The following NEK1 variants were observed in gnomAD, a reference collection of about 807,000 sequenced individuals.
NEK1 encodes the protein NIMA related kinase 1.
In NEK1, 137 loss-of-function variants were observed where a neutral mutation model predicts 182.1. The ratio of observed to expected loss-of-function variants is 0.75; its 90% CI spans 0.65 to 0.87. NEK1 has a LOEUF of 0.87. Among genes scored for constraint, NEK1 ranks in the 40% least tolerant of loss-of-function variants. The pLI is 0.00. For synonymous variants in NEK1, 513 were observed against 492.2 expected, an observed-to-expected ratio of 1.04 and a Z score of -0.56; for missense variants, 1,391 against 1,494.4, an observed-to-expected ratio of 0.93 and a Z score of 1.14.
At position 169,473,996 on chromosome 4, in the gene NEK1, T is replaced by G. The variant is rs559895949; in HGVS notation, c.2434+3128A>C. 5.3e-5 allele frequency among the ~76,000 whole-genome samples: 8 copies of G among 152,174 alleles called. No individual in the cohort carries two copies. In the South Asian group the frequency reaches 6.2e-4, roughly 12 times the overall value. ...GGAGAATAAAGGAGAGGAACTAGAA[T>G]TGTAAACAGAGAACACTTTTGAAGA... On this transcript the variant is annotated intron_variant, in intron 26 of 35. Transcript: ENST00000507142.
chr4:169,583,263 T>A (rs1195824623), intron 10 of NEK1, among the ~76,000 whole-genome samples: 30 of 83,120 alleles, frequency 3.6e-4, no homozygotes, highest in African/African-American at 9.6e-4. Flanking sequence ...TGAGACTCCA[T>A]CTCAAAAAAA....
intron 23 of NEK1, among the ~76,000 whole-genome samples, chr4:169,498,551 C>T (rs1003240767): frequency 4.6e-5 from 7 of 152,056 alleles, no homozygotes; most frequent in African/African-American, 9.7e-5. Context: ...ACTGGTTGTT[C>T]CTTTCCATGT....
rs180958391 is a variant in NEK1, at chr4:169,494,302, T to C, written c.2007+12735A>G. Among the ~76,000 whole-genome samples, 15 of 152,200 alleles carry C rather than the reference T, an allele frequency of 9.9e-5. No homozygotes were observed. The East Asian group carries it at 2.7e-3, about 27-fold the overall frequency. Reference sequence around the variant, plus strand: ...TGTGATGTTCCCCTTCCTGTGTCCATGTGTTCTCATTGTTCAATTCCCACC... The same window carrying C: ...TGTGATGTTCCCCTTCCTGTGTCCACGTGTTCTCATTGTTCAATTCCCACC... On this transcript the variant is annotated intron_variant, in intron 23 of 35. Transcript: ENST00000507142.
chr4:169,512,199 T>C (rs1316538143), intron 19 of NEK1, among the ~76,000 whole-genome samples: 2 of 152,054 alleles, frequency 1.3e-5, no homozygotes, highest in African/African-American at 4.8e-5. Flanking sequence ...TGTGAAACTA[T>C]TTTGCACAAT....
chr4:169,494,529 G>C (rs941926068), intron 23 of NEK1, among the ~76,000 whole-genome samples: 1 of 152,122 alleles, frequency 6.6e-6, no homozygotes, highest in African/African-American at 2.4e-5. Context: ...CCAAGTCTTT[G>C]CTATTGTGAA....
At position 169,508,664 on chromosome 4, in the gene NEK1, C is replaced by T. The variant is rs1045088242; in HGVS notation, c.1749+105G>A. 5 of 907,180 alleles carry T rather than the reference C, an allele frequency of 5.5e-6. No individual in the cohort carries two copies. The African/African-American group carries it at 6.8e-5, about 12-fold the overall frequency. The allele number at this position is 907,180 out of a possible 1,614,324, so 56.2% of individuals were successfully genotyped here. Reference sequence around the variant, plus strand: ...ATATTAACAGGTCCCTACAGACCTACAAAATCTTCAAATAATTGTTAAGAA... The same window carrying T: ...ATATTAACAGGTCCCTACAGACCTATAAAATCTTCAAATAATTGTTAAGAA... On this transcript the variant is annotated intron_variant, in intron 20 of 35. Transcript: ENST00000507142.
chr4:169,422,050 A>G (rs976842774), intron 31 of NEK1, among the ~76,000 whole-genome samples: 5 of 152,218 alleles, frequency 3.3e-5, no homozygotes, highest in African/African-American at 1.2e-4. Context: ...AAGGGAGCCA[A>G]CAGATAAAGT....
intron 12 of NEK1, among the ~76,000 whole-genome samples, chr4:169,564,434 A>G (rs1362388894): frequency 1.3e-5 from 2 of 152,156 alleles, no homozygotes; most frequent in African/African-American, 2.4e-5. Flanking sequence ...AGTCATTGAT[A>G]TAAAATTAGT....
intron 19 of NEK1, among the ~76,000 whole-genome samples, chr4:169,536,747 A>G (rs1378783575): frequency 1.3e-5 from 2 of 152,230 alleles, no homozygotes; most frequent in African/African-American, 2.4e-5. Context: ...AAGCCTACCA[A>G]TTCTTTTAAA....
Position 169,507,082 on chromosome 4 carries a change from C to A in NEK1, c.1962G>T (p.Lys654Asn). The change falls in exon 23 of 36, where the codon AAG becomes AAT. Residue 654 changes from lysine (K) to asparagine (N), a missense_variant. This residue lies in a region of NEK1 where 1,216 missense variants were observed against 1,277.6 expected (regional missense o/e 0.95). Coordinates refer to ENST00000507142, the MANE Select transcript of NEK1 (RefSeq NM_001199397.3). Reference protein sequence around the residue: ...AAVLKEQLERKRKEAYEREKK... With the variant: ...AAVLKEQLERNRKEAYEREKK... ...TTTCTCTCTCATAAGCCTCCTTTCT[C>A]TTTCGTTCTAGTTGTTCTTTTAGTA... The A allele has an allele frequency of 6.2e-7, 1 of 1,608,406 alleles. No individual in the cohort carries two copies. The highest frequency in any genetic ancestry group is 8.5e-7 in the Non-Finnish European group (1 of 1,177,510).
At chr4:169,510,810 C>T (rs1303581454) in intron 19 of NEK1, among the ~76,000 whole-genome samples, 1 of 152,050 alleles carries the variant, frequency 6.6e-6, no homozygotes, top group Non-Finnish European at 1.5e-5. Context: ...GTAAACTGTA[C>T]CATGATCTCA....
intron 27 of NEK1, among the ~76,000 whole-genome samples, chr4:169,460,386 A>G (rs890520578): frequency 6.6e-6 from 1 of 151,940 alleles, no homozygotes; most frequent in Admixed American, 6.6e-5. Flanking sequence ...TTTAAAAACC[A>G]TCAGATCTCG....
intron 18 of NEK1, among the ~76,000 whole-genome samples, chr4:169,547,667 C>T (rs894808648): frequency 7.9e-5 from 12 of 152,036 alleles, no homozygotes; most frequent in African/African-American, 1.9e-4. Flanking sequence ...AGGCTTTGTT[C>T]GTTTCTTTTC....
At chr4:169,458,816 A>G (rs1007405844) in intron 27 of NEK1, among the ~76,000 whole-genome samples, 3 of 142,228 alleles carry the variant, frequency 2.1e-5, no homozygotes, top group Non-Finnish European at 3.0e-5. Context: ...CAACACAGTG[A>G]GACCCCATCT....
At chr4:169,457,606 G>GGGAGAAAA (rs1203198395) in intron 27 of NEK1, among the ~76,000 whole-genome samples, 1 of 149,462 alleles carries the variant, frequency 6.7e-6, no homozygotes, top group Non-Finnish European at 1.5e-5. Context: ...AAGAAAGAAA[G>GGGAGAAAA]GGAGAAAAGG....
chr4:169,469,361 T>G (rs1745509235), intron 26 of NEK1, among the ~76,000 whole-genome samples: 1 of 152,218 alleles, frequency 6.6e-6, no homozygotes. Flanking sequence ...TATTTCTGCC[T>G]TAATTTCATT....
intron 10 of NEK1, among the ~76,000 whole-genome samples, chr4:169,581,126 C>A (rs575661250): frequency 1.3e-5 from 2 of 149,976 alleles, no homozygotes; most frequent in Admixed American, 1.3e-4. Context: ...AGGGGAAGAT[C>A]GCTTGAGCAA....
intron 10 of NEK1, among the ~76,000 whole-genome samples, chr4:169,583,010 T>C (rs1580952027): frequency 6.6e-6 from 1 of 152,240 alleles, no homozygotes; most frequent in South Asian, 2.1e-4. Flanking sequence ...CTAGGCCCTA[T>C]CAACCACGGT....
intron 27 of NEK1, among the ~76,000 whole-genome samples, chr4:169,446,825 C>T (rs755710937): frequency 4.6e-5 from 7 of 151,832 alleles, no homozygotes; most frequent in Admixed American, 6.6e-5. Flanking sequence ...AAAGAATTAG[C>T]GAGCTTGAAG....
Sources: gnomAD v4.1 joint callset for allele counts (sites outside exome capture counted in the v4.1 genomes callset) on GRCh38, gnomAD v4.1.1 for gene constraint, gnomAD v4.1.1 regional missense constraint, MANE v1.5 for transcripts, NCBI Gene and HGNC (gene_info 2026-07-23, HGNC 2026-07-21) for gene names.